Variants in CLCN1 observed in about 807,000 individuals in gnomAD.
The protein encoded by CLCN1 is chloride channel protein 1.
CLCN1 carries 100 observed loss-of-function variants against 114.5 expected under a neutral mutation model. The observed-to-expected ratio is 0.87, with a 90% CI of 0.74 to 1.03. CLCN1 has a LOEUF of 1.03. Ranked by LOEUF, CLCN1 falls within the 50% of genes least tolerant of loss-of-function variation. The pLI is 0.00. For synonymous variants in CLCN1, 485 were observed against 487.1 expected (o/e 1.00, Z 0.06); for missense variants, 1,188 against 1,250.0 (o/e 0.95, Z 0.75).
At chr7:143,332,554 C>G (rs376255159) in intron 11 of CLCN1, 51 bp downstream of exon 11, 113 of 1,541,412 alleles carry the variant, frequency 7.3e-5, no homozygotes, top group Non-Finnish European at 9.9e-5. Context: ...ACAGATATAC[C>G]TCAGGCTTCA....
intron 16 of CLCN1, among the ~76,000 whole-genome samples, chr7:143,344,907 C>T (rs1425202398): frequency 6.6e-6 from 1 of 152,004 alleles, no homozygotes; most frequent in Non-Finnish European, 1.5e-5. Flanking sequence ...CCTGCCACCA[C>T]GCCCAGCTAA....
At position 143,350,697 on chromosome 7, in the gene CLCN1, G is replaced by A; in HGVS notation, c.2595+43G>A. On this transcript the variant is annotated intron_variant, in intron 22 of 22. Transcript: ENST00000343257. This position sits in a 1 kb window ranked among gnomAD's most constrained non-coding sequence, Gnocchi z 5.1. ...CATTTGAGCAGCAGGAGGGAGGCTGGGCATAGGATAAGGGGATGCAGTGGG... is the reference window on the plus strand; with the variant it reads ...CATTTGAGCAGCAGGAGGGAGGCTGAGCATAGGATAAGGGGATGCAGTGGG... 2 of 1,465,544 alleles carry A rather than the reference G, an allele frequency of 1.4e-6. No homozygotes were observed. Among genetic ancestry groups the A allele is most frequent in the Non-Finnish European group, 1.9e-6 (2 of 1,045,368 alleles). The allele number at this position is 1,465,544 out of a possible 1,614,324, so 90.8% of individuals were successfully genotyped here.
intron 2 of CLCN1, 87 bp downstream of exon 2, chr7:143,319,962 G>T: frequency 7.2e-7 from 1 of 1,380,172 alleles, no homozygotes; most frequent in Non-Finnish European, 1.0e-6. Flanking sequence ...TTGCACGTAC[G>T]TACTCCCTGC....
At chr7:143,319,509 T>G (rs1485011347) in intron 1 of CLCN1, among the ~76,000 whole-genome samples, 1 of 151,852 alleles carries the variant, frequency 6.6e-6, no homozygotes, top group East Asian at 1.9e-4. Context: ...TGGATCAAGG[T>G]GAGTACAGGT....
At chr7:143,320,560 TC>T in intron 2 of CLCN1, 103 bp from the exon 3 acceptor site, 3 of 936,622 alleles carry the variant, frequency 3.2e-6, no homozygotes, top group Non-Finnish European at 4.8e-6. Flanking sequence ...CTTTTCTCTC[TC>T]TCTCTCTCTC....
chr7:143,321,271 G>T lies in CLCN1; in HGVS notation c.434-94G>T, dbSNP rs948177524. On this transcript the variant is annotated intron_variant, in intron 3 of 22. Coordinates refer to ENST00000343257, the MANE Select transcript of CLCN1 (RefSeq NM_000083.3). The surrounding 1 kb of genome is among the most constrained non-coding windows in gnomAD (Gnocchi z 4.2). Reference sequence around the variant, plus strand: ...ATCTCAGAAGGGGCACACAGAAGGAGCACGGCCTGAGAACATGCCGGGTAC... The same window carrying T: ...ATCTCAGAAGGGGCACACAGAAGGATCACGGCCTGAGAACATGCCGGGTAC... The T allele has an allele frequency of 1.2e-5, 18 of 1,461,494 alleles. No individual in the cohort carries two copies. The African/African-American group carries it at 2.2e-4, about 18-fold the overall frequency. 90.5% of individuals were successfully genotyped at this position (1,461,494 alleles called of 1,614,324 possible).
intron 20 of CLCN1, among the ~76,000 whole-genome samples, chr7:143,347,771 ACC>A (rs1803295577): frequency 1.3e-5 from 2 of 152,112 alleles, no homozygotes; most frequent in African/African-American, 4.8e-5. Flanking sequence ...GAAAATAATG[ACC>A]ACGGTGCCTC....
chr7:143,345,429 G>A (rs1461113824), intron 16 of CLCN1, 92 bp from the exon 17 acceptor site: 1 of 1,415,160 alleles, frequency 7.1e-7, no homozygotes, highest in Non-Finnish European at 9.3e-7. Flanking sequence ...CGGGCAGGGT[G>A]GCGCCTCTCC....
intron 12 of CLCN1, among the ~76,000 whole-genome samples, chr7:143,337,843 T>G (rs11763950): frequency 2.1e-5 from 2 of 96,942 alleles, no homozygotes; most frequent in South Asian, 4.1e-4. Flanking sequence ...TTTTTTTTTT[T>G]TGCGACAGAG....
intron 3 of CLCN1, 149 bp downstream of exon 3, chr7:143,320,944 A>G: frequency 1.1e-6 from 1 of 934,310 alleles, no homozygotes. Context: ...CTCCAGGCCC[A>G]GAAAAGACCA....
At chr7:143,341,837 C>T (rs1388576897) in intron 14 of CLCN1, 92 bp from the exon 15 acceptor site, 1 of 986,324 alleles carries the variant, frequency 1.0e-6, no homozygotes, top group Non-Finnish European at 1.6e-6. Flanking sequence ...GGTCATGTCT[C>T]TCATTCCGTG....
At chr7:143,338,809 G>A (rs73172421) in intron 12 of CLCN1, among the ~76,000 whole-genome samples, 1,645 of 132,180 alleles carry the variant, frequency 0.012, 10 homozygotes, top group Middle Eastern at 0.027. Context: ...AAAAAAAAAA[G>A]AAAAAAAAAA....
chr7:143,327,906 C>T (rs942357112), intron 7 of CLCN1, among the ~76,000 whole-genome samples: 3 of 152,180 alleles, frequency 2.0e-5, no homozygotes, highest in African/African-American at 4.8e-5. Flanking sequence ...CTACCCACCT[C>T]GGCCTCCCAA....
chr7:143,319,284 G>A (rs374633735), intron 1 of CLCN1, among the ~76,000 whole-genome samples: 47 of 152,264 alleles, frequency 3.1e-4, no homozygotes, highest in African/African-American at 1.1e-3. Flanking sequence ...ACACACCAAG[G>A]CAAAGTGCAA....
rs59572880 is a variant in CLCN1, at chr7:143,320,553, T to TTCTC, written c.302-81_302-78dup. ...TAAAGTAGTGACTCGTTAGCTGCTT[T>TTCTC]TCTCTCTCTCTCTCTCTCTCTCTCT... On this transcript the variant is annotated intron_variant, in intron 2 of 22. Coordinates refer to ENST00000343257, the MANE Select transcript of CLCN1 (RefSeq NM_000083.3). 6.5e-3 allele frequency: 4,357 copies of TTCTC among 673,868 alleles called. 43 individuals carry two copies. The highest frequency in any genetic ancestry group is 0.044 in the African/African-American group (2,237 of 51,206). 41.7% of individuals were successfully genotyped at this position (673,868 alleles called of 1,614,324 possible).
At position 143,321,366 on chromosome 7, in the gene CLCN1, C is replaced by T. The variant is rs543401459; in HGVS notation, c.435C>T (p.Ala145=). 7 of 1,614,100 alleles carry T rather than the reference C, an allele frequency of 4.3e-6. No homozygotes were observed. Among genetic ancestry groups the T allele is most frequent in the African/African-American group, 2.7e-5 (2 of 74,950 alleles). Residue 145 remains alanine (A), a splice_region_variant and synonymous_variant, in exon 4 of 23, where the codon GCC becomes GCT. Transcript: ENST00000343257. The surrounding 1 kb of genome is among the most constrained non-coding windows in gnomAD (Gnocchi z 4.2). The part of the protein sequence containing the change: ...MDYVSAKSLQ[A]YKWSYAQMQP... ...AACCCCAGGCATGTGTCTCCGCAGC[C>T]TACAAGTGGTCCTACGCGCAGATGC... is the stretch of plus-strand genomic sequence containing the variant.
chr7:143,349,158 G>A (rs893857313), intron 20 of CLCN1, among the ~76,000 whole-genome samples: 1 of 152,308 alleles, frequency 6.6e-6, no homozygotes, highest in Non-Finnish European at 1.5e-5. Context: ...CCAAGAGGAC[G>A]GGATGGACCA....
rs545021232 is a variant in CLCN1, at chr7:143,340,588, A to C, written c.1582+967A>C. ...GTCTTGCTCTGTTGCCCAGGAGTGC[A>C]GTGGCGCAATCTGGGTTCACTGCAA... On this transcript the variant is annotated intron_variant, in intron 14 of 22. Coordinates refer to ENST00000343257, the MANE Select transcript of CLCN1 (RefSeq NM_000083.3). 9.9e-5 allele frequency among the ~76,000 whole-genome samples: 15 copies of C among 151,536 alleles called. 1 individual carries two copies. In the East Asian group the frequency reaches 2.7e-3, roughly 28 times the overall value.
intron 15 of CLCN1, 51 bp from the exon 16 acceptor site, chr7:143,342,321 A>T (rs577736606): frequency 6.2e-7 from 1 of 1,608,694 alleles, no homozygotes; most frequent in Non-Finnish European, 8.5e-7. Context: ...GGAGGAATGG[A>T]AGGGATAGGT....
Sources: gnomAD v4.1 joint callset for allele counts (sites outside exome capture counted in the v4.1 genomes callset) on GRCh38, gnomAD v4.1.1 for gene constraint, Gnocchi (gnomAD v3.1) non-coding constraint, MANE v1.5 for transcripts, NCBI Gene and HGNC (gene_info 2026-07-23, HGNC 2026-07-21) for gene names.